Variants in ANGPTL1 observed in about 807,000 individuals in gnomAD.
ANGPTL1 encodes the protein angiopoietin-related protein 1.
ANGPTL1 carries 36 observed loss-of-function variants against 46.7 expected under a neutral mutation model. The ratio of observed to expected loss-of-function variants is 0.77; its 90% confidence interval spans 0.59 to 1.02. The LOEUF (loss-of-function observed/expected upper bound fraction) is 1.02. Among genes scored for constraint, ANGPTL1 ranks in the 50% least tolerant of loss-of-function variants. The probability of loss-of-function intolerance (pLI) is 0.00; values close to 1 mark genes in which losing one functional copy is unlikely to be tolerated. For missense variants in ANGPTL1, 571 were observed against 594.7 expected (o/e 0.96, Z 0.41); for synonymous variants, 221 against 204.3 (o/e 1.08, Z -0.69).
In ANGPTL1 at chr1:178,869,114, G is replaced by A. The variant is rs533033276; in HGVS notation, c.-27C>T. The A allele has an allele frequency of 2.6e-5, 4 of 151,880 alleles. No homozygotes were observed. Among genetic ancestry groups the A allele is most frequent in the Non-Finnish European group, 4.4e-5 (3 of 67,902 alleles). The allele number at this position is 151,880 out of a possible 1,614,324, so 9.4% of individuals were successfully genotyped here. A position where few individuals can be genotyped will look rare whatever the true frequency, so the allele number is the denominator to read the frequency against. On this transcript the variant is annotated splice_region_variant and 5_prime_UTR_variant, in exon 2 of 6. Transcript: ENST00000234816. ...TATAAATTAGTTATAGAATACTTACGTTTAAATTTAAGTCTTTACTTAGTT... is the reference window on the plus strand; with the variant it reads ...TATAAATTAGTTATAGAATACTTACATTTAAATTTAAGTCTTTACTTAGTT...
chr1:178,855,640 A>G (rs561395584), intron 3 of ANGPTL1, among the ~76,000 whole-genome samples: 23 of 151,618 alleles, frequency 1.5e-4, no homozygotes, highest in Non-Finnish European at 2.9e-4. Context: ...TATAGTTTTT[A>G]TTTCTCTTTT....
chr1:178,866,727 G>A (rs892489689), intron 2 of ANGPTL1, among the ~76,000 whole-genome samples: 2 of 152,116 alleles, frequency 1.3e-5, no homozygotes, highest in South Asian at 4.2e-4. Context: ...GGCCACACAA[G>A]GATTAGAACC....
Position 178,865,375 on chromosome 1 carries a change from A to G in ANGPTL1, c.402T>C (p.Tyr134=), listed in dbSNP as rs2102336434. The G allele has an allele frequency of 6.8e-6, 11 of 1,614,106 alleles. No individual in the cohort carries two copies. Among genetic ancestry groups the G allele is most frequent in the Non-Finnish European group, 8.5e-6 (10 of 1,179,992 alleles). Residue 134 remains tyrosine, a synonymous_variant, in exon 3 of 6, where the codon TAT becomes TAC. Coordinates refer to ENST00000234816, the MANE Select transcript of ANGPTL1 (RefSeq NM_004673.4). The part of the protein sequence containing the change: ...RNMNSRVTQL[Y]MQLLHEIIRK... The stretch of plus-strand genomic sequence containing the variant: ...GGATAATCTCATGTAATAATTGCAT[A>G]TAGAGTTGAGTAACACGAGAGTTCA...
In ANGPTL1 at chr1:178,865,340, T is replaced by C. The variant is rs776610507; in HGVS notation, c.437A>G (p.Asp146Gly). Reference protein sequence around the residue: ...QLLHEIIRKRDNSLELSQLEN... With the variant: ...QLLHEIIRKRGNSLELSQLEN... Reference sequence around the variant, plus strand: ...CAGTTGGGAAAGTTCAAGTGAATTATCCCTCTTACGGATAATCTCATGTAA... The same window carrying C: ...CAGTTGGGAAAGTTCAAGTGAATTACCCCTCTTACGGATAATCTCATGTAA... The change falls in exon 3 of 6, where the codon GAT (aspartate) becomes GGT (glycine). Residue 146 changes from aspartate to glycine, a missense_variant. Physicochemically the swap from Asp to Gly is moderately conservative, Grantham distance 94. Coordinates refer to ENST00000234816, the MANE Select transcript of ANGPTL1 (RefSeq NM_004673.4). The C allele has an allele frequency of 3.7e-6, 6 of 1,613,982 alleles. No homozygotes were observed. Among genetic ancestry groups the C allele is most frequent in the African/African-American group, 1.3e-5 (1 of 74,928 alleles).
chr1:178,853,472 G>GA (rs1337921919), intron 4 of ANGPTL1, 122 bp downstream of exon 4: 8 of 905,284 alleles, frequency 8.8e-6, no homozygotes, highest in East Asian at 3.0e-5. Context: ...TGTAGATAAT[G>GA]AAAAAACATA....
Position 178,851,069 on chromosome 1 carries a change from C to T in ANGPTL1, c.*60G>A. 2 of 1,469,024 alleles carry T rather than the reference C, an allele frequency of 1.4e-6. No homozygotes were observed. Among genetic ancestry groups the T allele is most frequent in the Non-Finnish European group, 1.8e-6 (2 of 1,095,018 alleles). The allele number at this position is 1,469,024 out of a possible 1,614,324, so 91.0% of individuals were successfully genotyped here. A position where few individuals can be genotyped will look rare whatever the true frequency, so the allele number is the denominator to read the frequency against. On this transcript the variant is annotated 3_prime_UTR_variant, in exon 6 of 6. Transcript: ENST00000234816. ...CCAAGTAATATACATGTAACATTTA[C>T]ATTTTTAAGAGCTGAAAAGTACAAA...
Position 178,865,226 on chromosome 1 carries a change from T to C in ANGPTL1, c.551A>G (p.Asp184Gly), listed in dbSNP as rs1202325869. 2 of 1,613,986 alleles carry C rather than the reference T, an allele frequency of 1.2e-6. No individual in the cohort carries two copies. The highest frequency in any genetic ancestry group is 1.7e-6 in the Non-Finnish European group (2 of 1,179,978). ...CATCACAGATTGGTTATTGACAAGA[T>C]CAGTCAAGGAAGCGTATTTCACCTC... is the stretch of plus-strand genomic sequence containing the variant. The part of the protein sequence containing the change: ...ELEVKYASLT[D>G]LVNNQSVMIT... Residue 184 changes from aspartate (D) to glycine (G), a missense_variant, in exon 3 of 6, where the codon GAT (aspartate) becomes GGT (glycine). By Grantham distance (94) the Asp-to-Gly change is moderately conservative. Transcript: ENST00000234816.
chr1:178,861,062 T>C (rs1657973903), intron 3 of ANGPTL1, among the ~76,000 whole-genome samples: 1 of 152,208 alleles, frequency 6.6e-6, no homozygotes, highest in South Asian at 2.1e-4. Context: ...TCCAGCACTC[T>C]CATTATACAA....
chr1:178,853,787 C>A lies in ANGPTL1; in HGVS notation c.824G>T (p.Gly275Val). 1 of 1,559,582 alleles carries A rather than the reference C, an allele frequency of 6.4e-7. No homozygotes were observed. Among genetic ancestry groups the A allele is most frequent in the East Asian group, 2.3e-5 (1 of 43,126 alleles). ...TGCTTGCTGACAGTCTTTGAATGGT[C>A]CTATAATTTAAATATCATTTATTAT... ...KIPPVTFINEGPFKDCQQAKE... is the reference protein window; with the variant it reads ...KIPPVTFINEVPFKDCQQAKE... The change falls in exon 4 of 6, where the codon GGA (glycine) becomes GTA (valine). Residue 275 changes from glycine (G) to valine (V), a missense_variant and splice_region_variant. Transcript: ENST00000234816.
At position 178,864,972 on chromosome 1, in the gene ANGPTL1, C is replaced by T; in HGVS notation, c.805G>A (p.Val269Ile). The change falls in exon 3 of 6, where the codon GTA becomes ATA. Residue 269 changes from valine (V) to isoleucine (I), a missense_variant. Transcript: ENST00000234816. ...PTKSPFKIPP[V>I]TFINEGPFKD... ...AACTCACCTTCATTGATGAAAGTTA[C>T]CGGTGGTATCTTGAAAGGGCTTTTG... The T allele has an allele frequency of 1.4e-6, 2 of 1,456,530 alleles. No individual in the cohort carries two copies. The highest frequency in any genetic ancestry group is 1.8e-6 in the Non-Finnish European group (2 of 1,103,820). The allele number at this position is 1,456,530 out of a possible 1,614,324, so 90.2% of individuals were successfully genotyped here. A position where few individuals can be genotyped will look rare whatever the true frequency, so the allele number is the denominator to read the frequency against.
At chr1:178,861,352 G>C (rs187057879) in intron 3 of ANGPTL1, among the ~76,000 whole-genome samples, 18 of 152,158 alleles carry the variant, frequency 1.2e-4, no homozygotes, top group Admixed American at 1.0e-3. Flanking sequence ...TTTCACTGGG[G>C]ATAGGTACAC....
Position 178,870,817 on chromosome 1 carries a change from T to G in ANGPTL1, c.-213A>C, listed in dbSNP as rs1459736273. On this transcript the variant is annotated 5_prime_UTR_variant, in exon 1 of 6. Coordinates refer to ENST00000234816, the MANE Select transcript of ANGPTL1 (RefSeq NM_004673.4). ...TGATTTTAAAAATCAGTGTAGAAGT[T>G]TGTTCATCTGTGACTTTAATGGCAG... 1 of 152,192 alleles carries G rather than the reference T, an allele frequency of 6.6e-6. No individual in the cohort carries two copies. Among genetic ancestry groups the G allele is most frequent in the Non-Finnish European group, 1.5e-5 (1 of 68,032 alleles). The allele number at this position is 152,192 out of a possible 1,614,324, so 9.4% of individuals were successfully genotyped here.
At position 178,852,954 on chromosome 1, in the gene ANGPTL1, C is replaced by A. The variant is rs372163774; in HGVS notation, c.1018-1G>T. ...CTCCGTCAATGTTTCCAAACCCTTT[C>A]TGTTAATAAGTGAAGAAACATGAGT... On this transcript the variant is annotated splice_acceptor_variant, in intron 4 of 5. Transcript: ENST00000234816. LOFTEE classifies it high-confidence loss of function. 6.2e-7 allele frequency: 1 copy of A among 1,605,808 alleles called. No individual in the cohort carries two copies. Among genetic ancestry groups the A allele is most frequent in the Non-Finnish European group, 8.5e-7 (1 of 1,176,566 alleles).
chr1:178,857,427 T>C (rs879931425), intron 3 of ANGPTL1, among the ~76,000 whole-genome samples: 14 of 152,082 alleles, frequency 9.2e-5, no homozygotes, highest in Non-Finnish European at 1.9e-4. Flanking sequence ...GAAACAACCT[T>C]AGAGTCAAGT....
chr1:178,861,725 G>A (rs1220779498), intron 3 of ANGPTL1, among the ~76,000 whole-genome samples: 1 of 152,064 alleles, frequency 6.6e-6, no homozygotes, highest in Non-Finnish European at 1.5e-5. Context: ...ACAAACTACT[G>A]ATAAATTATA....
chr1:178,859,662 G>A (rs1657830247), intron 3 of ANGPTL1, among the ~76,000 whole-genome samples: 1 of 140,280 alleles, frequency 7.1e-6, no homozygotes. Flanking sequence ...ATGATTAATG[G>A]TGGTCAAACC....
intron 3 of ANGPTL1, among the ~76,000 whole-genome samples, chr1:178,855,624 A>AT (rs964723156): frequency 3.3e-5 from 5 of 151,770 alleles, no homozygotes; most frequent in Non-Finnish European, 5.9e-5. Context: ...TTGCAATTTG[A>AT]TTTTTTATAG....
chr1:178,862,188 A>G (rs1004479349), intron 3 of ANGPTL1, among the ~76,000 whole-genome samples: 1 of 152,026 alleles, frequency 6.6e-6, no homozygotes, highest in Non-Finnish European at 1.5e-5. Flanking sequence ...ATTAATAATG[A>G]TAATCATTTA....
At chr1:178,851,940 A>G (rs1454086206) in intron 5 of ANGPTL1, among the ~76,000 whole-genome samples, 1 of 152,170 alleles carries the variant, frequency 6.6e-6, no homozygotes, top group South Asian at 2.1e-4. Context: ...CCTGGGTTAA[A>G]AAGTCAAAAG....
Sources: allele counts gnomAD v4.1 joint callset (sites outside exome capture counted in the v4.1 genomes callset), GRCh38; gene constraint gnomAD v4.1.1; transcripts MANE v1.5; gene names NCBI Gene and HGNC (gene_info 2026-07-23, HGNC 2026-07-21).